DIP2A: variants seen among roughly 807,000 people sequenced by gnomAD.
DIP2A encodes the protein disco-interacting protein 2 homolog A.
A neutral mutation model predicts 177.4 loss-of-function variants in DIP2A; 85 were observed. The observed-to-expected ratio is 0.48, with a 90% CI of 0.40 to 0.57. The LOEUF (loss-of-function observed/expected upper bound fraction) is 0.57. Among genes scored for constraint, DIP2A ranks in the 20% least tolerant of loss-of-function variants. The pLI is 0.00. For missense variants in DIP2A, 1,791 were observed against 2,100.2 expected (o/e 0.85, Z 2.88); for synonymous variants, 886 against 881.8 (o/e 1.00, Z -0.08).
chr21:46,541,293 G>T (rs894778373), intron 17 of DIP2A, among the ~76,000 whole-genome samples: 1 of 152,182 alleles, frequency 6.6e-6, no homozygotes, highest in Non-Finnish European at 1.5e-5. Context: ...CTGGCTTGCA[G>T]GAGATGGTGT....
chr21:46,565,225 G>A (rs1054075943), intron 35 of DIP2A, among the ~76,000 whole-genome samples: 1 of 152,232 alleles, frequency 6.6e-6, no homozygotes, highest in South Asian at 2.1e-4. Flanking sequence ...ACGTGAACAC[G>A]GATAGCGGAC....
chr21:46,496,610 T>C (rs1027392982), intron 3 of DIP2A, among the ~76,000 whole-genome samples: 2 of 152,126 alleles, frequency 1.3e-5, no homozygotes, highest in African/African-American at 2.4e-5. Flanking sequence ...TTTTAAGAAA[T>C]TTTACGAATT....
chr21:46,559,890 G>A (rs1479832674), intron 32 of DIP2A, among the ~76,000 whole-genome samples: 2 of 152,168 alleles, frequency 1.3e-5, no homozygotes, highest in Non-Finnish European at 2.9e-5. Context: ...GACCTTGTTG[G>A]TGCCTCTGTG....
At chr21:46,459,988 CCGCAGGCAGCT>C (rs2054159135) in intron 1 of DIP2A, among the ~76,000 whole-genome samples, 1 of 152,184 alleles carries the variant, frequency 6.6e-6, no homozygotes, top group Non-Finnish European at 1.5e-5. Flanking sequence ...CGCCCGTTGT[CCGCAGGCAGCT>C]ACTTCCCTTG....
intron 33 of DIP2A, chr21:46,561,068 C>T: frequency 1.1e-6 from 1 of 944,424 alleles, no homozygotes. Flanking sequence ...CAGTTAACAT[C>T]CCTTTATCTG....
Position 46,555,882 on chromosome 21 carries a change from TC to T in DIP2A, c.3389-97del, listed in dbSNP as rs2060450651. On this transcript the variant is annotated intron_variant, in intron 28 of 37. Coordinates refer to ENST00000417564, the MANE Select transcript of DIP2A (RefSeq NM_015151.4). The stretch of plus-strand genomic sequence containing the variant: ...CGTCTGAGCTCACTCTCTGCAGGAC[TC>T]CCAAGGACAAATCATGTGTCGCCTC... 4 of 891,896 alleles carry T rather than the reference TC, an allele frequency of 4.5e-6. No individual in the cohort carries two copies. The Admixed American group carries it at 7.0e-5, about 16-fold the overall frequency. The allele number at this position is 891,896 out of a possible 1,614,324, so 55.2% of individuals were successfully genotyped here.
chr21:46,477,880 G>A (rs1439623378), intron 1 of DIP2A, among the ~76,000 whole-genome samples: 1 of 152,002 alleles, frequency 6.6e-6, no homozygotes, highest in African/African-American at 2.4e-5. Flanking sequence ...ACCACGCCCG[G>A]CCATCTTTCA....
Position 46,484,940 on chromosome 21 carries a change from A to G in DIP2A, c.163+112A>G, listed in dbSNP as rs972385324. The G allele has an allele frequency of 1.3e-5, 13 of 995,554 alleles. No individual in the cohort carries two copies. The African/African-American group carries it at 1.8e-4, about 14-fold the overall frequency. 61.7% of individuals were successfully genotyped at this position (995,554 alleles called of 1,614,324 possible). On this transcript the variant is annotated intron_variant, in intron 2 of 37. Coordinates refer to ENST00000417564, the MANE Select transcript of DIP2A (RefSeq NM_015151.4). ...GTTAGCAATGTTAAACCAACTTTAA[A>G]CACTGGTATATGTTGATTATTGATT...
At chr21:46,535,779 A>G (rs1046535051) in intron 13 of DIP2A, among the ~76,000 whole-genome samples, 1 of 152,166 alleles carries the variant, frequency 6.6e-6, no homozygotes, top group African/African-American at 2.4e-5. Flanking sequence ...TATGTCACCT[A>G]CAATTTGGGT....
intron 34 of DIP2A, among the ~76,000 whole-genome samples, chr21:46,562,947 C>T (rs915083400): frequency 1.3e-5 from 2 of 152,216 alleles, no homozygotes; most frequent in African/African-American, 2.4e-5. Context: ...GCCTCCACGT[C>T]GCTCTTTTCC....
chr21:46,504,015 CA>C (rs1433312136), intron 5 of DIP2A, among the ~76,000 whole-genome samples: 3 of 152,194 alleles, frequency 2.0e-5, no homozygotes, highest in Non-Finnish European at 4.4e-5. Context: ...TGTCAGCCAC[CA>C]TGCCCAGCCC....
Position 46,557,558 on chromosome 21 carries a change from G to A in DIP2A, c.3630-27G>A. On this transcript the variant is annotated intron_variant, in intron 30 of 37. Coordinates refer to ENST00000417564, the MANE Select transcript of DIP2A (RefSeq NM_015151.4). The surrounding 1 kb of genome is among the most constrained non-coding windows in gnomAD (Gnocchi z 6.0). ...GCCCAGGGTGCTGGGTGGGCGGGCG[G>A]AGCCTCACGAGCCTTCCCTCTCGCA... The A allele has an allele frequency of 1.3e-6, 2 of 1,591,254 alleles. No individual in the cohort carries two copies. Among genetic ancestry groups the A allele is most frequent in the Non-Finnish European group, 8.6e-7 (1 of 1,164,062 alleles).
intron 8 of DIP2A, among the ~76,000 whole-genome samples, chr21:46,524,072 G>C (rs912175271): frequency 1.3e-5 from 2 of 152,204 alleles, no homozygotes; most frequent in Non-Finnish European, 1.5e-5. Flanking sequence ...GTCAGCTCTG[G>C]AGTTTCCCCT....
Position 46,484,805 on chromosome 21 carries a change from C to G in DIP2A, c.140C>G (p.Ala47Gly). 1 of 1,586,598 alleles carries G rather than the reference C, an allele frequency of 6.3e-7. No homozygotes were observed. Among genetic ancestry groups the G allele is most frequent in the Non-Finnish European group, 8.6e-7 (1 of 1,165,868 alleles). ...GAAAAGAAAAGGGCAAAGCTGCTTG[C>G]ACGTTATATACCGCTTATTCAAGGT... Reference protein sequence around the residue: ...GYEKKRAKLLARYIPLIQGID... With the variant: ...GYEKKRAKLLGRYIPLIQGID... The change falls in exon 2 of 38, where the codon GCA becomes GGA. Residue 47 changes from alanine (A) to glycine (G), a missense_variant. By Grantham distance (60) the Ala-to-Gly change is moderately conservative. Coordinates refer to ENST00000417564, the MANE Select transcript of DIP2A (RefSeq NM_015151.4).
intron 1 of DIP2A, among the ~76,000 whole-genome samples, chr21:46,465,744 AAATT>A: frequency 6.6e-6 from 1 of 152,222 alleles, no homozygotes; most frequent in Admixed American, 6.5e-5. Flanking sequence ...GAAGCAGTAA[AAATT>A]AAAAAAAAAA....
At chr21:46,534,731 AC>A in intron 13 of DIP2A, 44 bp downstream of exon 13, 1 of 1,524,586 alleles carries the variant, frequency 6.6e-7, no homozygotes, top group Non-Finnish European at 8.9e-7. Flanking sequence ...CCAGCCTCAC[AC>A]AGATACCTGA....
At chr21:46,507,932 G>T (rs1266112333) in intron 6 of DIP2A, among the ~76,000 whole-genome samples, 1 of 151,760 alleles carries the variant, frequency 6.6e-6, no homozygotes, top group Non-Finnish European at 1.5e-5. Flanking sequence ...TTTTAGTAGA[G>T]ATGGGATTTT....
At chr21:46,565,257 TGAC>T (rs1427442735) in intron 35 of DIP2A, among the ~76,000 whole-genome samples, 3 of 152,232 alleles carry the variant, frequency 2.0e-5, no homozygotes, top group African/African-American at 4.8e-5. Flanking sequence ...CGCGTGGGGC[TGAC>T]GTTAACCCTG....
At chr21:46,485,420 G>T (rs2056617875) in intron 2 of DIP2A, among the ~76,000 whole-genome samples, 1 of 152,212 alleles carries the variant, frequency 6.6e-6, no homozygotes, top group Non-Finnish European at 1.5e-5. Context: ...TCAGACAAAT[G>T]CATATGTGTG....
Sources: allele counts gnomAD v4.1 joint callset (sites outside exome capture counted in the v4.1 genomes callset), GRCh38; gene constraint gnomAD v4.1.1; non-coding constraint Gnocchi (gnomAD v3.1); transcripts MANE v1.5; gene names NCBI Gene and HGNC (gene_info 2026-07-23, HGNC 2026-07-21).